CA5B: variants seen among roughly 807,000 people sequenced by gnomAD.
CA5B encodes carbonic anhydrase 5B, also known as carbonic anhydrase 5B, mitochondrial.
Under a neutral mutation model 23.1 loss-of-function variants are expected in CA5B, and 15 were observed. That is an observed-to-expected ratio of 0.65 (90% CI 0.43 to 1.00). CA5B has a LOEUF of 1.00. CA5B is among the 50% of genes least tolerant of loss of function. The probability of loss-of-function intolerance (pLI) is 0.00; values close to 1 mark genes in which losing one functional copy is unlikely to be tolerated. For synonymous variants in CA5B, 84 were observed against 98.5 expected (o/e 0.85, Z 0.87); for missense variants, 236 against 252.2 (o/e 0.94, Z 0.43).
chrX:15,749,791 C>A (rs1714113177), intron 1 of CA5B, 180 bp from the exon 2 acceptor site: 1 of 366,239 alleles, frequency 2.7e-6, no homozygotes, highest in Non-Finnish European at 4.7e-6. Flanking sequence ...CTGCCCTCCA[C>A]TGAGGGGACC....
Position 15,775,318 on chromosome X carries a change from G to C in CA5B, c.618+10G>C, listed in dbSNP as rs370978259. The C allele has an allele frequency of 1.0e-5, 12 of 1,187,503 alleles. No individual in the cohort carries two copies. In the Admixed American group the frequency reaches 1.1e-4, roughly 11 times the overall value. ...GTCAATTAAGCATAAGGTACTATTT[G>C]TTTTCCTTAATTACTTGAAATATAC... On this transcript the variant is annotated intron_variant, in intron 6 of 7. Coordinates refer to ENST00000318636, the MANE Select transcript of CA5B (RefSeq NM_007220.4).
intron 1 of CA5B, among the ~76,000 whole-genome samples, chrX:15,746,046 T>C (rs1171924591): frequency 1.3e-4 from 1 of 7,522 alleles, no homozygotes; most frequent in East Asian, 3.1e-3. Flanking sequence ...TTTTTTTTTT[T>C]TGAGACGGAG....
chrX:15,779,810 A>G (rs1931989416), intron 7 of CA5B, among the ~76,000 whole-genome samples: 1 of 112,124 alleles, frequency 8.9e-6, no homozygotes, highest in Admixed American at 9.5e-5. Flanking sequence ...GGATTAAAAA[A>G]TTGACACATT....
Position 15,773,611 on chromosome X carries a change from G to A in CA5B, c.460-691G>A, listed in dbSNP as rs914926399. 1.2e-4 allele frequency among the ~76,000 whole-genome samples: 13 copies of A among 109,749 alleles called. No homozygotes were observed. The East Asian group carries it at 2.3e-3, about 19-fold the overall frequency. On this transcript the variant is annotated intron_variant, in intron 4 of 7. Transcript: ENST00000318636. ...TTTTTAGTAGAGATGGAGTTTCACC[G>A]TGTTAGCCAGGATGGTCTCGATCTC...
At chrX:15,774,997 C>T (rs1208786167) in intron 5 of CA5B, among the ~76,000 whole-genome samples, 5 of 112,982 alleles carry the variant, frequency 4.4e-5, no homozygotes, top group African/African-American at 1.6e-4. Context: ...AATTTAAGAA[C>T]TTAAATGAAG....
chrX:15,745,437 C>T (rs979194753), intron 1 of CA5B, among the ~76,000 whole-genome samples: 5 of 111,887 alleles, frequency 4.5e-5, no homozygotes, highest in Non-Finnish European at 9.4e-5. Context: ...GTGATGGTTG[C>T]ACAACATTAT....
chrX:15,762,726 G>T (rs954869424), intron 2 of CA5B: 7 of 331,871 alleles, frequency 2.1e-5, no homozygotes, highest in South Asian at 1.1e-4. Context: ...TATTCTTAGT[G>T]GTGGGGCGAG....
rs1932110986 is a variant in CA5B, at chrX:15,786,038, T to G, written c.*3374T>G. The G allele has an allele frequency of 9.0e-6, 1 of 110,626 alleles. No homozygotes were observed. Among genetic ancestry groups the G allele is most frequent in the African/African-American group, 3.3e-5 (1 of 30,385 alleles). The allele number at this position is 110,626 out of a possible 1,213,427, so 9.1% of individuals were successfully genotyped here. The stretch of plus-strand genomic sequence containing the variant: ...GGCGCCCGCCACCACACCCGGCTAT[T>G]TTTTGTATTTTAAGTAGAGACAGGG... On this transcript the variant is annotated 3_prime_UTR_variant, in exon 8 of 8. Coordinates refer to ENST00000318636, the MANE Select transcript of CA5B (RefSeq NM_007220.4).
intron 1 of CA5B, among the ~76,000 whole-genome samples, chrX:15,741,276 C>T (rs1406885747): frequency 9.4e-6 from 1 of 105,835 alleles, no homozygotes; most frequent in Non-Finnish European, 1.9e-5. Flanking sequence ...CTATGTTGGC[C>T]AGGCTGGTCT....
At chrX:15,760,244 A>G (rs567104528) in intron 2 of CA5B, among the ~76,000 whole-genome samples, 1 of 111,480 alleles carries the variant, frequency 9.0e-6, no homozygotes, top group African/African-American at 3.3e-5. Context: ...ATTTTTGCTT[A>G]AATAGAGGAA....
intron 6 of CA5B, 129 bp from the exon 7 acceptor site, chrX:15,776,585 G>C: frequency 4.2e-6 from 2 of 481,714 alleles, no homozygotes; most frequent in Non-Finnish European, 7.2e-6. Context: ...TAGCTGCCCA[G>C]AAAGGCCTGG....
At chrX:15,766,348 A>G (rs1364052280) in intron 3 of CA5B, among the ~76,000 whole-genome samples, 3 of 109,876 alleles carry the variant, frequency 2.7e-5, no homozygotes, top group African/African-American at 9.9e-5. Flanking sequence ...CCCTTCTGAT[A>G]TGTGTCTCTG....
chrX:15,750,073 A>G lies in CA5B; in HGVS notation c.50A>G (p.Lys17Arg), dbSNP rs745649867. 2 of 1,209,530 alleles carry G rather than the reference A, an allele frequency of 1.7e-6. No individual in the cohort carries two copies. The highest frequency in any genetic ancestry group is 1.7e-5 in the African/African-American group (1 of 57,232). The part of the protein sequence containing the change: ...LRVILQASPG[K>R]LLWRKFQIPR... Reference sequence around the variant, plus strand: ...GTCATTCTTCAAGCCTCTCCAGGCAAATTGCTGTGGAGAAAGTTCCAGATT... The same window carrying G: ...GTCATTCTTCAAGCCTCTCCAGGCAGATTGCTGTGGAGAAAGTTCCAGATT... The change falls in exon 2 of 8, where the codon AAA (lysine) becomes AGA (arginine). Residue 17 changes from lysine to arginine, a missense_variant. By Grantham distance (26) the Lys-to-Arg change is conservative (BLOSUM62 2). Around this residue, in one of 3 missense-constraint regions of CA5B, gnomAD observed 54 missense variants for 46.6 expected, o/e 1.16. Transcript: ENST00000318636.
intron 2 of CA5B, among the ~76,000 whole-genome samples, chrX:15,759,928 A>G (rs772307034): frequency 4.7e-5 from 5 of 106,170 alleles, no homozygotes; most frequent in African/African-American, 1.4e-4. Context: ...AATTTTTTGT[A>G]TCTTTAGTAG....
chrX:15,763,628 T>G (rs1391780111), intron 2 of CA5B, among the ~76,000 whole-genome samples: 1 of 112,352 alleles, frequency 8.9e-6, no homozygotes, highest in East Asian at 2.8e-4. Flanking sequence ...GTCAGGGTTC[T>G]CCAGAAGCAG....
chrX:15,782,858 T>TAC lies in CA5B; in HGVS notation c.*195_*196dup. On this transcript the variant is annotated 3_prime_UTR_variant, in exon 8 of 8. Coordinates refer to ENST00000318636, the MANE Select transcript of CA5B (RefSeq NM_007220.4). ...AAGAGACACAAGTTTCTCTTACAGA[T>TAC]ACCTGTTGGTAATTGTAATGCCTTT... The TAC allele has an allele frequency of 2.8e-6, 1 of 355,508 alleles. No homozygotes were observed. The highest frequency in any genetic ancestry group is 4.9e-6 in the Non-Finnish European group (1 of 206,167). The allele number at this position is 355,508 out of a possible 1,213,427, so 29.3% of individuals were successfully genotyped here.
chrX:15,767,897 CTTTT>C (rs59290756), intron 3 of CA5B, among the ~76,000 whole-genome samples: 1 of 52,265 alleles, frequency 1.9e-5, no homozygotes, highest in African/African-American at 8.7e-5. Context: ...TGCACCTGGC[CTTTT>C]TTTTTTTTTT....
chrX:15,744,295 C>T (rs1188602088), intron 1 of CA5B, among the ~76,000 whole-genome samples: 1 of 112,803 alleles, frequency 8.9e-6, no homozygotes, highest in Non-Finnish European at 1.9e-5. Flanking sequence ...AGGGTCATTT[C>T]CCAGATGTCT....
chrX:15,783,148 T>C lies in CA5B; in HGVS notation c.*484T>C, dbSNP rs992173356. On this transcript the variant is annotated 3_prime_UTR_variant, in exon 8 of 8. Coordinates refer to ENST00000318636, the MANE Select transcript of CA5B (RefSeq NM_007220.4). ...GGGATTATAATCAAAATTTTTAACA[T>C]GTGGTAAGGCACAGACACTGACCAG... The C allele has an allele frequency of 8.8e-6, 1 of 113,559 alleles. No homozygotes were observed. Among genetic ancestry groups the C allele is most frequent in the Admixed American group, 9.4e-5 (1 of 10,688 alleles). The allele number at this position is 113,559 out of a possible 1,213,427, so 9.4% of individuals were successfully genotyped here. A position where few individuals can be genotyped will look rare whatever the true frequency, so the allele number is the denominator to read the frequency against.
Sources: allele counts gnomAD v4.1 joint callset (sites outside exome capture counted in the v4.1 genomes callset), GRCh38; gene constraint gnomAD v4.1.1; regional missense constraint gnomAD v4.1.1; transcripts MANE v1.5; gene names NCBI Gene and HGNC (gene_info 2026-07-23, HGNC 2026-07-21).